INTS6L: variants seen among roughly 807,000 people sequenced by gnomAD.
The protein encoded by INTS6L is integrator complex subunit 6 like.
INTS6L carries 18 observed loss-of-function variants against 64.7 expected under a neutral mutation model. That is an observed-to-expected ratio of 0.28 (90% confidence interval 0.19 to 0.41). The LOEUF (loss-of-function observed/expected upper bound fraction) is 0.41, where lower values mean the gene tolerates loss of function less well. Among genes scored for constraint, INTS6L ranks in the 10% least tolerant of loss-of-function variants. The probability of loss-of-function intolerance (pLI) is 1.00; values close to 1 mark genes in which losing one functional copy is unlikely to be tolerated. For synonymous variants in INTS6L, 227 were observed against 235.9 expected (o/e 0.96, Z 0.34); for missense variants, 533 against 661.0 (o/e 0.81, Z 2.12).
intron 2 of INTS6L, among the ~76,000 whole-genome samples, chrX:135,538,178 C>T (rs972922065): frequency 8.9e-6 from 1 of 112,468 alleles, no homozygotes; most frequent in African/African-American, 3.2e-5. Context: ...ATTTTACCCA[C>T]AGTAGAACTT....
At chrX:135,537,234 A>G (rs993243172) in intron 2 of INTS6L, among the ~76,000 whole-genome samples, 4 of 112,258 alleles carry the variant, frequency 3.6e-5, no homozygotes, top group African/African-American at 1.3e-4. Context: ...TCAAGCTGGG[A>G]CAAGAACCCA....
chrX:135,578,986 CCTT>C (rs1243976078), intron 15 of INTS6L, among the ~76,000 whole-genome samples: 5 of 111,589 alleles, frequency 4.5e-5, no homozygotes, highest in African/African-American at 1.6e-4. Context: ...GCCTCTGTCA[CCTT>C]CTCCTAACAC....
chrX:135,534,664 A>G (rs1210270519), intron 2 of INTS6L, among the ~76,000 whole-genome samples: 1 of 107,906 alleles, frequency 9.3e-6, no homozygotes, highest in African/African-American at 3.4e-5. Flanking sequence ...TGAATCCAAG[A>G]GAACTGGTTT....
intron 17 of INTS6L, 86 bp downstream of exon 17, chrX:135,581,229 C>G (rs1197108680): frequency 4.1e-6 from 3 of 726,891 alleles, no homozygotes; most frequent in South Asian, 3.3e-5. Context: ...GGAATAGGCT[C>G]TGCCTTGCTT....
At position 135,567,741 on chromosome X, in the gene INTS6L, G is replaced by C. The variant is rs185904007; in HGVS notation, c.1193-1596G>C. On this transcript the variant is annotated intron_variant, in intron 9 of 17. Coordinates refer to ENST00000639893, the MANE Select transcript of INTS6L (RefSeq NM_001351601.3). ...TATCCATGGTCTCTCATTCCTTTCTGTCAAGATATGAATGGTCTTTAAAGG... is the reference window on the plus strand; with the variant it reads ...TATCCATGGTCTCTCATTCCTTTCTCTCAAGATATGAATGGTCTTTAAAGG... Among the ~76,000 whole-genome samples, 7 of 111,856 alleles carry C rather than the reference G, an allele frequency of 6.3e-5. No homozygotes were observed. The Admixed American group carries it at 6.7e-4, about 11-fold the overall frequency.
chrX:135,537,075 CAA>C (rs1158098205), intron 2 of INTS6L, among the ~76,000 whole-genome samples: 2 of 111,963 alleles, frequency 1.8e-5, no homozygotes, highest in African/African-American at 6.5e-5. Context: ...GTTTGCAAAC[CAA>C]CCAGTCAGAT....
At chrX:135,581,379 G>C in intron 17 of INTS6L, 149 bp from the exon 18 acceptor site, 1 of 495,073 alleles carries the variant, frequency 2.0e-6, no homozygotes, top group Non-Finnish European at 3.3e-6. Context: ...TGCCACTATT[G>C]GTACTTGCTC....
chrX:135,558,753 G>A (rs781840793), intron 9 of INTS6L, among the ~76,000 whole-genome samples: 5 of 109,282 alleles, frequency 4.6e-5, no homozygotes, highest in African/African-American at 6.7e-5. Context: ...TAAGTATTAC[G>A]TGTTTTTAAA....
chrX:135,530,694 A>G (rs1399120121), intron 2 of INTS6L, among the ~76,000 whole-genome samples: 2 of 111,621 alleles, frequency 1.8e-5, no homozygotes, highest in Non-Finnish European at 3.8e-5. Flanking sequence ...TGTGGTCTTC[A>G]TTTCAACTAC....
chrX:135,551,891 G>A lies in INTS6L; in HGVS notation c.907-103G>A. The A allele has an allele frequency of 3.8e-6, 3 of 792,623 alleles. No individual in the cohort carries two copies. The South Asian group carries it at 1.2e-4, about 31-fold the overall frequency. 65.3% of individuals were successfully genotyped at this position (792,623 alleles called of 1,213,427 possible). On this transcript the variant is annotated intron_variant, in intron 7 of 17. Transcript: ENST00000639893. ...TCAAAATGCTAGTCTGTATTTCAGTGAAAATGTAACAAAATATAAAACGAC... is the reference window on the plus strand; with the variant it reads ...TCAAAATGCTAGTCTGTATTTCAGTAAAAATGTAACAAAATATAAAACGAC...
chrX:135,521,891 C>G (rs914448079), intron 2 of INTS6L, among the ~76,000 whole-genome samples: 10 of 108,283 alleles, frequency 9.2e-5, no homozygotes, highest in Admixed American at 8.7e-4. Context: ...TTGGGCTCTT[C>G]GCTGCATCTC....
chrX:135,553,832 G>A (rs1011562267), intron 8 of INTS6L, among the ~76,000 whole-genome samples: 2 of 111,725 alleles, frequency 1.8e-5, no homozygotes, highest in Non-Finnish European at 3.8e-5. Flanking sequence ...ACAAATTATA[G>A]CTTTTCCCTA....
chrX:135,574,080 T>TA lies in INTS6L; in HGVS notation c.1741+19dup. 1 of 1,162,184 alleles carries TA rather than the reference T, an allele frequency of 8.6e-7. No individual in the cohort carries two copies. Among genetic ancestry groups the TA allele is most frequent in the Non-Finnish European group, 1.1e-6 (1 of 874,969 alleles). ...AGATGAAGGTAAAATAACTGTGAAA[T>TA]ACTTTTTTTTTTTTTTTGGAAAATG... On this transcript the variant is annotated intron_variant, in intron 13 of 17. Transcript: ENST00000639893.
intron 9 of INTS6L, 117 bp from the exon 10 acceptor site, chrX:135,569,216 CAAAT>C (rs1397480718): frequency 1.4e-5 from 5 of 352,914 alleles, no homozygotes; most frequent in South Asian, 1.3e-4. Flanking sequence ...AAAAGATAAT[CAAAT>C]AAACGCCAAT....
At chrX:135,525,085 G>T (rs2085695931) in intron 2 of INTS6L, among the ~76,000 whole-genome samples, 1 of 112,118 alleles carries the variant, frequency 8.9e-6, no homozygotes, top group South Asian at 3.7e-4. Context: ...CTAGTATGTG[G>T]TTTTTAAAAG....
At chrX:135,573,872 A>T (rs907540117) in intron 12 of INTS6L, 67 bp from the exon 13 acceptor site, 1 of 1,081,027 alleles carries the variant, frequency 9.3e-7, no homozygotes, top group Admixed American at 3.0e-5. Context: ...TTTAAGAGAG[A>T]TAAGTATGAC....
intron 2 of INTS6L, 96 bp from the exon 3 acceptor site, chrX:135,545,327 A>T: frequency 9.4e-7 from 1 of 1,067,326 alleles, no homozygotes; most frequent in Non-Finnish European, 1.3e-6. Context: ...AGAGTGGTTA[A>T]TTTCTTAGAG....
chrX:135,546,806 G>T lies in INTS6L; in HGVS notation c.534G>T (p.Val178=). The T allele has an allele frequency of 8.3e-7, 1 of 1,211,446 alleles. No individual in the cohort carries two copies. Among genetic ancestry groups the T allele is most frequent in the Non-Finnish European group, 1.1e-6 (1 of 895,350 alleles). ...LFALVLRLPG[V]ASTEPEQLGS... ...CCCTGGTGTTGCGTTTGCCTGGAGTGGCTTCTACCGAACCAGAGCAACTAG... is the reference window on the plus strand; with the variant it reads ...CCCTGGTGTTGCGTTTGCCTGGAGTTGCTTCTACCGAACCAGAGCAACTAG... The change falls in exon 5 of 18, where the codon GTG becomes GTT. Residue 178 remains valine, a synonymous_variant. Transcript: ENST00000639893.
rs2087062801 is a variant in INTS6L, at chrX:135,570,424, G to A, written c.1288-12G>A. 1.8e-6 allele frequency: 2 copies of A among 1,137,835 alleles called. No homozygotes were observed. The highest frequency in any genetic ancestry group is 2.3e-6 in the Non-Finnish European group (2 of 862,570). The allele number at this position is 1,137,835 out of a possible 1,213,427, so 93.8% of individuals were successfully genotyped here. On this transcript the variant is annotated splice_polypyrimidine_tract_variant and intron_variant, in intron 10 of 17. Transcript: ENST00000639893. ...TTCTATTCTTACTGTTGTGTATTTT[G>A]TTTCCTTATAGCCATTAAAGAAAGC...
Sources: allele counts gnomAD v4.1 joint callset (sites outside exome capture counted in the v4.1 genomes callset), GRCh38; gene constraint gnomAD v4.1.1; transcripts MANE v1.5; gene names NCBI Gene and HGNC (gene_info 2026-07-23, HGNC 2026-07-21).